The following ENOX2 variants were observed in gnomAD, a reference collection of about 807,000 sequenced individuals.
The protein encoded by ENOX2 is ecto-NOX disulfide-thiol exchanger 2.
In ENOX2, 36 loss-of-function variants were observed where a neutral mutation model predicts 45.0. That is an observed-to-expected ratio of 0.80 (90% CI 0.61 to 1.06). The LOEUF is 1.06. Ranked by LOEUF, ENOX2 falls within the 50% of genes least tolerant of loss-of-function variation. The pLI, the probability that ENOX2 is intolerant of heterozygous loss-of-function variation, is 0.00. For synonymous variants in ENOX2, 174 were observed against 152.3 expected (o/e 1.14, Z -1.05); for missense variants, 423 against 462.5 (o/e 0.91, Z 0.78).
chrX:130,730,279 T>C (rs2038706162), intron 3 of ENOX2, among the ~76,000 whole-genome samples: 1 of 112,232 alleles, frequency 8.9e-6, no homozygotes, highest in Non-Finnish European at 1.9e-5. Flanking sequence ...GGAAGTGACA[T>C]GTAGAAATTT....
intron 10 of ENOX2, among the ~76,000 whole-genome samples, chrX:130,653,633 CCCT>C (rs760015273): frequency 5.3e-4 from 59 of 112,124 alleles, no homozygotes; most frequent in African/African-American, 1.8e-3. Flanking sequence ...ATATCTCTTG[CCCT>C]GCTGCATTCT....
intron 3 of ENOX2, among the ~76,000 whole-genome samples, chrX:130,738,094 A>G (rs139630116): frequency 8.3e-4 from 93 of 112,226 alleles, no homozygotes; most frequent in African/African-American, 2.9e-3. Context: ...CTCTGATGTT[A>G]TATCCCACCA....
chrX:130,786,617 T>C (rs1231265587), intron 2 of ENOX2, among the ~76,000 whole-genome samples: 1 of 93,592 alleles, frequency 1.1e-5, no homozygotes, highest in Admixed American at 1.2e-4. Flanking sequence ...TGTGATCTCA[T>C]TGTTCAATTC....
chrX:130,857,006 A>G (rs1171284342), intron 2 of ENOX2, among the ~76,000 whole-genome samples: 3 of 112,111 alleles, frequency 2.7e-5, no homozygotes, highest in Non-Finnish European at 5.6e-5. Flanking sequence ...AAGGGCTTAT[A>G]TGTTCATAGC....
chrX:130,721,118 C>T (rs2038463815), intron 3 of ENOX2, among the ~76,000 whole-genome samples: 1 of 111,084 alleles, frequency 9.0e-6, no homozygotes, highest in African/African-American at 3.3e-5. Flanking sequence ...TGAATACGAT[C>T]GTGTCATTTT....
intron 10 of ENOX2, among the ~76,000 whole-genome samples, chrX:130,644,294 C>A (rs981330389): frequency 3.6e-5 from 4 of 111,467 alleles, no homozygotes; most frequent in Non-Finnish European, 7.6e-5. Flanking sequence ...ACAAGAAGAA[C>A]AAATTAAACA....
chrX:130,821,037 TA>T (rs2077587120), intron 2 of ENOX2, among the ~76,000 whole-genome samples: 1 of 112,537 alleles, frequency 8.9e-6, no homozygotes, highest in South Asian at 3.7e-4. Context: ...AATTTATGCA[TA>T]TTTCAAAACA....
intron 3 of ENOX2, among the ~76,000 whole-genome samples, chrX:130,714,900 A>C (rs1294897810): frequency 4.5e-5 from 5 of 111,649 alleles, no homozygotes; most frequent in African/African-American, 1.3e-4. Context: ...AGTGATGTGA[A>C]GCTGGAGGTA....
At chrX:130,720,936 C>T (rs1005477811) in intron 3 of ENOX2, among the ~76,000 whole-genome samples, 6 of 111,785 alleles carry the variant, frequency 5.4e-5, no homozygotes, top group East Asian at 2.8e-4. Context: ...GGCACATTCC[C>T]GCATGAATGT....
At chrX:130,655,962 C>T (rs1212292019) in intron 10 of ENOX2, among the ~76,000 whole-genome samples, 2 of 111,727 alleles carry the variant, frequency 1.8e-5, no homozygotes, top group Non-Finnish European at 3.8e-5. Flanking sequence ...ATAATGTACT[C>T]CTTACAAGTG....
At chrX:130,707,770 A>G (rs1438407985) in intron 3 of ENOX2, among the ~76,000 whole-genome samples, 1 of 112,274 alleles carries the variant, frequency 8.9e-6, no homozygotes, top group Non-Finnish European at 1.9e-5. Context: ...ACATCTATTG[A>G]AAGCCTGTTA....
chrX:130,877,111 TAA>T (rs1235736734), intron 2 of ENOX2, among the ~76,000 whole-genome samples: 5 of 112,112 alleles, frequency 4.5e-5, no homozygotes, highest in African/African-American at 1.6e-4. Context: ...TTCTCTTTCT[TAA>T]TAATTTTCTC....
At chrX:130,901,379 T>C (rs1242039289) in intron 2 of ENOX2, among the ~76,000 whole-genome samples, 1 of 112,278 alleles carries the variant, frequency 8.9e-6, no homozygotes, top group Non-Finnish European at 1.9e-5. Context: ...TGTTTTCTTC[T>C]AGAAAAAGAA....
intron 3 of ENOX2, among the ~76,000 whole-genome samples, chrX:130,753,132 C>T (rs991625827): frequency 9.0e-6 from 1 of 110,900 alleles, no homozygotes; most frequent in African/African-American, 3.3e-5. Context: ...CTTTCTTTCT[C>T]ACTCAGTTTC....
chrX:130,710,727 C>G, intron 3 of ENOX2, among the ~76,000 whole-genome samples: 1 of 111,607 alleles, frequency 9.0e-6, no homozygotes, highest in East Asian at 2.8e-4. Flanking sequence ...TAGTTTATGC[C>G]GTACCCTACT....
chrX:130,642,604 AAG>A (rs1220549239), intron 10 of ENOX2, among the ~76,000 whole-genome samples: 1 of 112,349 alleles, frequency 8.9e-6, no homozygotes, highest in African/African-American at 3.2e-5. Context: ...TAATGAAAAG[AAG>A]AGTCAATTGA....
intron 2 of ENOX2, among the ~76,000 whole-genome samples, chrX:130,815,999 C>T (rs765814016): frequency 9.0e-6 from 1 of 110,812 alleles, no homozygotes; most frequent in African/African-American, 3.3e-5. Flanking sequence ...ATCAGGAGAC[C>T]CATCTCATGT....
At chrX:130,842,721 T>C (rs2078036857) in intron 2 of ENOX2, among the ~76,000 whole-genome samples, 1 of 111,986 alleles carries the variant, frequency 8.9e-6, no homozygotes, top group South Asian at 3.8e-4. Context: ...CCTTCTGTGA[T>C]ACCCCCTAAC....
At chrX:130,849,378 G>A (rs2078168395) in intron 2 of ENOX2, among the ~76,000 whole-genome samples, 1 of 111,798 alleles carries the variant, frequency 8.9e-6, no homozygotes, top group Non-Finnish European at 1.9e-5. Context: ...GGGATGGTGG[G>A]GTGGAGGGGA....
Sources: allele counts gnomAD v4.1 joint callset (sites outside exome capture counted in the v4.1 genomes callset), GRCh38; gene constraint gnomAD v4.1.1; transcripts MANE v1.5; gene names NCBI Gene and HGNC (gene_info 2026-07-23, HGNC 2026-07-21).